The following PALLD variants were observed in gnomAD, a reference collection of about 807,000 sequenced individuals.
The protein encoded by PALLD is palladin, cytoskeletal associated protein.
Under a neutral mutation model 123.5 loss-of-function variants are expected in PALLD, and 61 were observed. The ratio of observed to expected loss-of-function variants is 0.49; its 90% CI spans 0.40 to 0.61. The LOEUF (loss-of-function observed/expected upper bound fraction) is 0.61. PALLD is among the 20% of genes least tolerant of loss of function. PALLD has a pLI of 0.00. For synonymous variants in PALLD, 465 were observed against 496.4 expected, an observed-to-expected ratio of 0.94 and a Z score of 0.84; for missense variants, 1,273 against 1,377.0, an observed-to-expected ratio of 0.92 and a Z score of 1.20.
chr4:168,761,658 T>TGTTTTG (rs750820984), intron 10 of PALLD, among the ~76,000 whole-genome samples: 8 of 43,070 alleles, frequency 1.9e-4, no homozygotes, highest in Admixed American at 3.7e-4. Flanking sequence ...TTTTTTTTTT[T>TGTTTTG]TTTTTTTTTT....
At chr4:168,776,170 A>C (rs1300088644) in intron 10 of PALLD, among the ~76,000 whole-genome samples, 2 of 152,220 alleles carry the variant, frequency 1.3e-5, no homozygotes, top group Non-Finnish European at 2.9e-5. Context: ...TCATGAACAA[A>C]GTATATCTCT....
chr4:168,605,797 T>G (rs1197615586), intron 2 of PALLD, among the ~76,000 whole-genome samples: 1 of 152,226 alleles, frequency 6.6e-6, no homozygotes, highest in Non-Finnish European at 1.5e-5. Flanking sequence ...CTCACAAAAA[T>G]TTGTAAGTAG....
At chr4:168,913,132 C>G (rs1759350424) in intron 15 of PALLD, among the ~76,000 whole-genome samples, 1 of 129,630 alleles carries the variant, frequency 7.7e-6, no homozygotes, top group Non-Finnish European at 1.6e-5. Context: ...AGGGATGCCA[C>G]TAACTTTTTT....
intron 2 of PALLD, among the ~76,000 whole-genome samples, chr4:168,542,807 G>A (rs991531244): frequency 7.1e-6 from 1 of 140,012 alleles, no homozygotes; most frequent in Non-Finnish European, 1.5e-5. Context: ...ACCAACCTTG[G>A]GTGGGAATCT....
At position 168,916,045 on chromosome 4, in the gene PALLD, C is replaced by T; in HGVS notation, c.2850+18C>T. 1 of 1,609,096 alleles carries T rather than the reference C, an allele frequency of 6.2e-7. No homozygotes were observed. Among genetic ancestry groups the T allele is most frequent in the South Asian group, 1.1e-5 (1 of 91,026 alleles). On this transcript the variant is annotated intron_variant, in intron 17 of 21. Coordinates refer to ENST00000505667, the MANE Select transcript of PALLD (RefSeq NM_001166108.2). ...ACTGCAAAGTAAGATTTTGTTATTG[C>T]TTGCATATCCTATTGCCCCACTTCT...
intron 10 of PALLD, among the ~76,000 whole-genome samples, chr4:168,778,883 A>C (rs1735523608): frequency 6.6e-6 from 1 of 152,036 alleles, no homozygotes; most frequent in Admixed American, 6.5e-5. Context: ...CTGGTCTCAA[A>C]CTCCTGGCCT....
At chr4:168,580,921 G>T (rs868699322) in intron 2 of PALLD, among the ~76,000 whole-genome samples, 4 of 151,994 alleles carry the variant, frequency 2.6e-5, no homozygotes, top group Middle Eastern at 3.4e-3. Context: ...GCCAAAAAAT[G>T]AGAACATGTG....
At chr4:168,822,869 G>A (rs185205005) in intron 10 of PALLD, among the ~76,000 whole-genome samples, 11 of 152,208 alleles carry the variant, frequency 7.2e-5, no homozygotes, top group African/African-American at 2.2e-4. Context: ...GCTGATTTAG[G>A]TTCACATAGA....
chr4:168,608,158 G>T (rs1462867671), intron 2 of PALLD, among the ~76,000 whole-genome samples: 3 of 152,192 alleles, frequency 2.0e-5, no homozygotes, highest in Non-Finnish European at 2.9e-5. Flanking sequence ...TGGGAGCAGC[G>T]CTGGCAACCT....
At chr4:168,585,587 G>C (rs1261654450) in intron 2 of PALLD, among the ~76,000 whole-genome samples, 1 of 152,066 alleles carries the variant, frequency 6.6e-6, no homozygotes, top group East Asian at 1.9e-4. Flanking sequence ...AAAACAGAGG[G>C]GGGCCTGGGA....
intron 8 of PALLD, among the ~76,000 whole-genome samples, chr4:168,699,751 G>A (rs1159737461): frequency 6.6e-6 from 1 of 152,016 alleles, no homozygotes; most frequent in Non-Finnish European, 1.5e-5. Flanking sequence ...TAATTTTTAG[G>A]TAACTATAAA....
chr4:168,888,049 CTGA>C (rs1424409408), intron 10 of PALLD, among the ~76,000 whole-genome samples: 1 of 152,078 alleles, frequency 6.6e-6, no homozygotes, highest in African/African-American at 2.4e-5. Flanking sequence ...AAGCTGAAGA[CTGA>C]TGATAACAAC....
chr4:168,853,508 G>A (rs1047628912), intron 10 of PALLD, among the ~76,000 whole-genome samples: 21 of 152,182 alleles, frequency 1.4e-4, no homozygotes, highest in Admixed American at 1.2e-3. Flanking sequence ...CAACCTCTGA[G>A]GGCAGGAAAC....
intron 10 of PALLD, among the ~76,000 whole-genome samples, chr4:168,765,896 A>G (rs138625340): frequency 6.6e-6 from 1 of 152,342 alleles, no homozygotes; most frequent in East Asian, 1.9e-4. Context: ...GTTGGGAGGA[A>G]GAGAAGAGGG....
intron 10 of PALLD, among the ~76,000 whole-genome samples, chr4:168,850,564 T>C (rs1328298685): frequency 7.2e-6 from 1 of 139,578 alleles, no homozygotes; most frequent in Non-Finnish European, 1.6e-5. Context: ...GATGGAGTTT[T>C]GCTTTTGTTG....
At chr4:168,669,706 A>C (rs973675878) in intron 3 of PALLD, among the ~76,000 whole-genome samples, 6 of 152,184 alleles carry the variant, frequency 3.9e-5, no homozygotes, top group Non-Finnish European at 8.8e-5. Flanking sequence ...TTGGTAGAAA[A>C]CATCTTGGAG....
intron 10 of PALLD, among the ~76,000 whole-genome samples, chr4:168,841,604 G>T (rs2150927107): frequency 6.6e-6 from 1 of 152,318 alleles, no homozygotes; most frequent in South Asian, 2.1e-4. Flanking sequence ...CAGTCATTGT[G>T]TTCTAGGTAC....
At chr4:168,838,392 G>A (rs35740693) in intron 10 of PALLD, among the ~76,000 whole-genome samples, 1 of 152,036 alleles carries the variant, frequency 6.6e-6, no homozygotes, top group African/African-American at 2.4e-5. Context: ...GAAGCTCGTG[G>A]AAGTTCTGTG....
chr4:168,529,337 G>A (rs1162239444), intron 2 of PALLD, among the ~76,000 whole-genome samples: 8 of 149,064 alleles, frequency 5.4e-5, no homozygotes, highest in African/African-American at 9.9e-5. Context: ...ACTCTGTCTC[G>A]AGAAAAAAAA....
Sources: gnomAD v4.1 joint callset for allele counts (sites outside exome capture counted in the v4.1 genomes callset) on GRCh38, gnomAD v4.1.1 for gene constraint, MANE v1.5 for transcripts, NCBI Gene and HGNC (gene_info 2026-07-23, HGNC 2026-07-21) for gene names.